The following GHR variants were observed in gnomAD, a reference collection of about 807,000 sequenced individuals.
GHR encodes GH receptor.
GHR carries 35 observed loss-of-function variants against 67.1 expected under a neutral mutation model. The observed-to-expected ratio is 0.52, with a 90% CI of 0.40 to 0.69. The LOEUF (loss-of-function observed/expected upper bound fraction) is 0.69, where lower values mean the gene tolerates loss of function less well. Ranked by LOEUF, GHR falls within the 30% of genes least tolerant of loss-of-function variation. The pLI is 0.00. For synonymous variants in GHR, 272 were observed against 269.1 expected (o/e 1.01, Z -0.10); for missense variants, 792 against 764.6 (o/e 1.04, Z -0.42).
intron 1 of GHR, chr5:42,467,269 CAACT>C (rs1397773972): frequency 1.7e-5 from 22 of 1,271,676 alleles, no homozygotes; most frequent in Non-Finnish European, 2.4e-5. Flanking sequence ...GTGTGAAAAA[CAACT>C]AAAGGTTTTC....
intron 1 of GHR, among the ~76,000 whole-genome samples, chr5:42,449,938 C>T (rs1457965411): frequency 6.6e-6 from 1 of 151,990 alleles, no homozygotes; most frequent in Non-Finnish European, 1.5e-5. Flanking sequence ...CATTTATTGA[C>T]TCGGGTATGG....
chr5:42,707,828 A>G (rs1758255430), intron 6 of GHR, among the ~76,000 whole-genome samples: 1 of 152,056 alleles, frequency 6.6e-6, no homozygotes, highest in African/African-American at 2.4e-5. Context: ...TGTCACACTT[A>G]CATCTTTTTA....
In GHR at chr5:42,645,360, C is replaced by A. The variant is rs556464022; in HGVS notation, c.136+16257C>A. ...TGAAATCATCTAATAGCAAACATTG[C>A]TATGTCCCAATGGAGATTCCAAGAC... On this transcript the variant is annotated intron_variant, in intron 3 of 9. Coordinates refer to ENST00000230882, the MANE Select transcript of GHR (RefSeq NM_000163.5). 7.2e-5 allele frequency among the ~76,000 whole-genome samples: 11 copies of A among 152,298 alleles called. No individual in the cohort carries two copies. In the South Asian group the frequency reaches 2.3e-3, roughly 32 times the overall value.
At chr5:42,594,784 G>A (rs566946313) in intron 2 of GHR, among the ~76,000 whole-genome samples, 2 of 152,142 alleles carry the variant, frequency 1.3e-5, no homozygotes, top group South Asian at 4.2e-4. Flanking sequence ...TTTATGTGAG[G>A]TTTTGTTATT....
chr5:42,441,427 A>G (rs1293232190), intron 1 of GHR, among the ~76,000 whole-genome samples: 1 of 152,214 alleles, frequency 6.6e-6, no homozygotes, highest in Admixed American at 6.5e-5. Context: ...AAGAGAGACA[A>G]TGAATATAGA....
chr5:42,578,013 A>G (rs1184113015), intron 2 of GHR, among the ~76,000 whole-genome samples: 1 of 152,216 alleles, frequency 6.6e-6, no homozygotes, highest in Non-Finnish European at 1.5e-5. Flanking sequence ...TGATTACAAT[A>G]GTTTTCAGAA....
chr5:42,448,156 T>C (rs1743893513), intron 1 of GHR, among the ~76,000 whole-genome samples: 1 of 152,196 alleles, frequency 6.6e-6, no homozygotes, highest in Admixed American at 6.5e-5. Context: ...TTTAGTTCTT[T>C]AAGGAATCTC....
chr5:42,537,516 G>C (rs150453084), intron 1 of GHR, among the ~76,000 whole-genome samples: 15 of 152,250 alleles, frequency 9.9e-5, no homozygotes, highest in Non-Finnish European at 1.6e-4. Flanking sequence ...TGTGGTCTGA[G>C]AGAGTACTTG....
At chr5:42,539,292 G>A (rs1748397330) in intron 1 of GHR, among the ~76,000 whole-genome samples, 1 of 152,132 alleles carries the variant, frequency 6.6e-6, no homozygotes, top group South Asian at 2.1e-4. Context: ...TTGTTTTCTG[G>A]TTCCTTCTCA....
intron 1 of GHR, among the ~76,000 whole-genome samples, chr5:42,475,014 G>A (rs111553564): frequency 0.051 from 7,699 of 151,300 alleles, 440 homozygotes; most frequent in African/African-American, 0.11. Context: ...CTCCCGAGTA[G>A]CTTGGATTAT....
In GHR at chr5:42,713,508, T is replaced by G. The variant is rs879189234; in HGVS notation, c.864T>G (p.Ser288=). ...TGATGCTATTTGTATTCTTATTTTCTAAACAGCAAAGGTAGGTGTGGAGTA... is the reference window on the plus strand; with the variant it reads ...TGATGCTATTTGTATTCTTATTTTCGAAACAGCAAAGGTAGGTGTGGAGTA... ...LTVMLFVFLF[S]KQQRIKMLIL... The change falls in exon 8 of 10, where the codon TCT becomes TCG. Residue 288 remains serine (S), a synonymous_variant. Coordinates refer to ENST00000230882, the MANE Select transcript of GHR (RefSeq NM_000163.5). The G allele has an allele frequency of 1.4e-6, 2 of 1,382,328 alleles. No individual in the cohort carries two copies. The highest frequency in any genetic ancestry group is 2.3e-5 in the South Asian group (2 of 86,488). The allele number at this position is 1,382,328 out of a possible 1,614,324, so 85.6% of individuals were successfully genotyped here.
chr5:42,500,131 C>A (rs1375291693), intron 1 of GHR, among the ~76,000 whole-genome samples: 1 of 152,228 alleles, frequency 6.6e-6, no homozygotes, highest in Non-Finnish European at 1.5e-5. Context: ...TCCTTCATGG[C>A]AGCCCTGTAG....
intron 3 of GHR, among the ~76,000 whole-genome samples, chr5:42,645,540 G>A (rs570401298): frequency 7.9e-4 from 120 of 152,326 alleles, no homozygotes; most frequent in South Asian, 2.5e-3. Flanking sequence ...TCTAAATGCA[G>A]GCTTTTGTTT....
rs1752080447 is a variant in GHR at position 42,596,514 on chromosome 5, G to T, written c.70+30570G>T. Among the ~76,000 whole-genome samples the T allele has an allele frequency of 2.0e-5, 3 of 152,172 alleles. No individual in the cohort carries two copies. The South Asian group carries it at 6.2e-4, about 32-fold the overall frequency. ...AGGGCAGCACACGAATAGTCCTGGA[G>T]CACCAGGGCCCTTAGACTGTGGGAT... On this transcript the variant is annotated intron_variant, in intron 2 of 9. Transcript: ENST00000230882.
rs368010790 is a variant in GHR, at chr5:42,507,433, A to G, written c.-11-58431A>G. On this transcript the variant is annotated intron_variant, in intron 1 of 9. Transcript: ENST00000230882. Reference sequence around the variant, plus strand: ...ACTAAATGAATGAATGAATGATCACATTACACATGCTTGGGATTTGATTTC... The same window carrying G: ...ACTAAATGAATGAATGAATGATCACGTTACACATGCTTGGGATTTGATTTC... Among the ~76,000 whole-genome samples the G allele has an allele frequency of 1.4e-4, 21 of 152,346 alleles. No homozygotes were observed. In the South Asian group the frequency reaches 4.1e-3, roughly 30 times the overall value.
chr5:42,497,392 G>T (rs1561077225), intron 1 of GHR, among the ~76,000 whole-genome samples: 1 of 152,124 alleles, frequency 6.6e-6, no homozygotes, highest in East Asian at 1.9e-4. Flanking sequence ...CTCTCTGTTG[G>T]TTTTGACTTT....
chr5:42,692,720 T>G (rs1022616110), intron 4 of GHR, among the ~76,000 whole-genome samples: 1 of 152,144 alleles, frequency 6.6e-6, no homozygotes, highest in Non-Finnish European at 1.5e-5. Flanking sequence ...GGTACTGACA[T>G]GCACTGTTGA....
At position 42,424,506 on chromosome 5, in the gene GHR, G is replaced by T; in HGVS notation, c.-12+551G>T. 7.8e-7 allele frequency: 1 copy of T among 1,274,160 alleles called. No individual in the cohort carries two copies. The highest frequency in any genetic ancestry group is 1.1e-6 in the Non-Finnish European group (1 of 909,386). 78.9% of individuals were successfully genotyped at this position (1,274,160 alleles called of 1,614,324 possible). ...GTGGACACAGCGCGCAGAGCGCGCG[G>T]TCTTTTGCGCGTTTGTGCGGGCCGC... On this transcript the variant is annotated intron_variant, in intron 1 of 9. Coordinates refer to ENST00000230882, the MANE Select transcript of GHR (RefSeq NM_000163.5). This position sits in a 1 kb window ranked among gnomAD's most constrained non-coding sequence, Gnocchi z 4.1.
At chr5:42,610,467 C>G (rs1752839726) in intron 2 of GHR, among the ~76,000 whole-genome samples, 1 of 152,088 alleles carries the variant, frequency 6.6e-6, no homozygotes, top group Non-Finnish European at 1.5e-5. Flanking sequence ...TTATTTTTCT[C>G]AAGATGTTGT....
Sources: gnomAD v4.1 joint callset for allele counts (sites outside exome capture counted in the v4.1 genomes callset) on GRCh38, gnomAD v4.1.1 for gene constraint, Gnocchi (gnomAD v3.1) non-coding constraint, MANE v1.5 for transcripts, NCBI Gene and HGNC (gene_info 2026-07-23, HGNC 2026-07-21) for gene names.